The following TUSC3 variants were observed in gnomAD, a reference collection of about 807,000 sequenced individuals.
The protein encoded by TUSC3 is tumor suppressor candidate 3, also known as dolichyl-diphosphooligosaccharide--protein glycosyltransferase subunit TUSC3.
TUSC3 carries 45 observed loss-of-function variants against 44.8 expected under a neutral mutation model. The observed-to-expected ratio is 1.00, with a 90% confidence interval of 0.79 to 1.29. The LOEUF (loss-of-function observed/expected upper bound fraction) is 1.29, where lower values mean the gene tolerates loss of function less well. TUSC3 is among the 50% of genes most tolerant of loss of function. The pLI is 0.00. For synonymous variants in TUSC3, 212 were observed against 152.9 expected (o/e 1.39, Z -2.85); for missense variants, 519 against 437.9 (o/e 1.19, Z -1.65).
intron 1 of TUSC3, among the ~76,000 whole-genome samples, chr8:15,566,517 A>G: frequency 6.6e-6 from 1 of 152,150 alleles, no homozygotes; most frequent in East Asian, 1.9e-4. Flanking sequence ...AACAACTGAT[A>G]AGGAAAAAAG....
rs200873242 is a variant in TUSC3, at chr8:15,750,758, T to G, written c.1028+2293T>G. Among the ~76,000 whole-genome samples the G allele has an allele frequency of 3.9e-5, 6 of 152,158 alleles. No homozygotes were observed. In the East Asian group the frequency reaches 1.2e-3, roughly 29 times the overall value. ...ATGTGGCATTTGAACAGTCTTCTTA[T>G]GTAACCAGCCCCACACTCCTGTCAG... On this transcript the variant is annotated intron_variant, in intron 9 of 10. Transcript: ENST00000503731.
At chr8:15,616,255 T>C (rs1464699823) in intron 1 of TUSC3, among the ~76,000 whole-genome samples, 1 of 152,334 alleles carries the variant, frequency 6.6e-6, no homozygotes, top group East Asian at 1.9e-4. Context: ...CAAAATTTAC[T>C]CCTAGAAATT....
At chr8:15,668,795 A>G (rs1807797795) in intron 5 of TUSC3, among the ~76,000 whole-genome samples, 1 of 151,824 alleles carries the variant, frequency 6.6e-6, no homozygotes, top group Non-Finnish European at 1.5e-5. Flanking sequence ...TCCTGAAGCC[A>G]GAGTTCAAAA....
chr8:15,566,601 A>ATTT (rs201601387), intron 1 of TUSC3, among the ~76,000 whole-genome samples: 2 of 142,310 alleles, frequency 1.4e-5, no homozygotes, highest in African/African-American at 5.1e-5. Context: ...CAGAAGACAC[A>ATTT]TTTTTTTGTT....
Position 15,528,712 on chromosome 8 carries a change from G to A in TUSC3, n.189+45229G>A, listed in dbSNP as rs74587436. 8.0e-3 allele frequency among the ~76,000 whole-genome samples: 1,224 copies of A among 152,242 alleles called. 8 individuals carry two copies. Among genetic ancestry groups the A allele is most frequent in the Non-Finnish European group, 0.012 (791 of 68,010 alleles). ...CCTGCATACTCCTGTGACCCTCTTG[G>A]ATTCTTTCTTTAATTTTTTTTAAAT... is the stretch of plus-strand genomic sequence containing the variant. On this transcript the variant is annotated intron_variant and non_coding_transcript_variant, in intron 2 of 5. Coordinates refer to the TUSC3 transcript ENST00000503191.
chr8:15,511,718 G>T (rs1289228694), intron 2 of TUSC3, among the ~76,000 whole-genome samples: 1 of 151,908 alleles, frequency 6.6e-6, no homozygotes, highest in Admixed American at 6.6e-5. Context: ...AAAAATAAAA[G>T]AATTAGCCGG....
chr8:15,801,797 T>G, the TUSC3 span, among the ~76,000 whole-genome samples: 1 of 152,178 alleles, frequency 6.6e-6, no homozygotes, highest in African/African-American at 2.4e-5. Flanking sequence ...TTCTCTCATT[T>G]GGATGCTCTT....
At chr8:15,590,155 C>G (rs1803765516) in intron 1 of TUSC3, among the ~76,000 whole-genome samples, 1 of 152,136 alleles carries the variant, frequency 6.6e-6, no homozygotes, top group South Asian at 2.1e-4. Flanking sequence ...TTAAAATTAT[C>G]TTAGATAATT....
rs73193308 is a variant in TUSC3, at chr8:15,499,390, T to C, written n.189+15907T>C. Reference sequence around the variant, plus strand: ...TCAAATCAAATCTAGAACTTTTGCATTATCTCAGAAAATTCTATCATATCC... The same window carrying C: ...TCAAATCAAATCTAGAACTTTTGCACTATCTCAGAAAATTCTATCATATCC... On this transcript the variant is annotated intron_variant and non_coding_transcript_variant, in intron 2 of 5. Coordinates refer to the TUSC3 transcript ENST00000503191. Among the ~76,000 whole-genome samples the C allele has an allele frequency of 8.8e-3, 1,336 of 152,302 alleles. 10 individuals carry two copies. Among genetic ancestry groups the C allele is most frequent in the South Asian group, 0.039 (189 of 4,826 alleles).
intron 5 of TUSC3, among the ~76,000 whole-genome samples, chr8:15,672,042 C>T (rs1166761639): frequency 1.3e-5 from 2 of 151,916 alleles, no homozygotes; most frequent in African/African-American, 4.8e-5. Context: ...CATGAGTTAA[C>T]CCTGTTTTAG....
At chr8:15,519,414 G>C (rs979786920) in intron 2 of TUSC3, among the ~76,000 whole-genome samples, 1 of 152,112 alleles carries the variant, frequency 6.6e-6, no homozygotes. Flanking sequence ...ACTTGAAGCT[G>C]TAACAGATTA....
the TUSC3 span, among the ~76,000 whole-genome samples, chr8:15,810,011 G>C: frequency 6.6e-6 from 1 of 152,308 alleles, no homozygotes; most frequent in South Asian, 2.1e-4. Flanking sequence ...CAGAGATTCT[G>C]AATTTCTTAC....
intron 2 of TUSC3, among the ~76,000 whole-genome samples, chr8:15,512,778 A>AT (rs1801156311): frequency 3.9e-5 from 1 of 25,386 alleles, no homozygotes; most frequent in African/African-American, 8.4e-5. Flanking sequence ...GTTTCAGTCA[A>AT]CCAATCAATC....
intron 7 of TUSC3, among the ~76,000 whole-genome samples, chr8:15,735,049 G>C (rs151330197): frequency 9.9e-5 from 15 of 152,242 alleles, no homozygotes; most frequent in African/African-American, 3.6e-4. Flanking sequence ...GTTGAGCCCC[G>C]CATGTCTTCT....
At chr8:15,472,997 T>G (rs1330301798) in intron 1 of TUSC3, among the ~76,000 whole-genome samples, 1 of 152,178 alleles carries the variant, frequency 6.6e-6, no homozygotes, top group Non-Finnish European at 1.5e-5. Context: ...CAGCAAATTA[T>G]AGAAGTAGGA....
rs544604517 is a variant in TUSC3, at chr8:15,455,038, G to C, written n.92-28348G>C. On this transcript the variant is annotated intron_variant and non_coding_transcript_variant, in intron 1 of 5. Transcript: ENST00000503191. Reference sequence around the variant, plus strand: ...GGGGTTGGAGGGTACAAGATGTTTTGAGATCTTTGGGGAAGATGATGACTT... The same window carrying C: ...GGGGTTGGAGGGTACAAGATGTTTTCAGATCTTTGGGGAAGATGATGACTT... 9.9e-4 allele frequency among the ~76,000 whole-genome samples: 151 copies of C among 152,278 alleles called. 1 individual carries two copies. The Middle Eastern group carries it at 0.01, about 10-fold the overall frequency.
chr8:15,645,830 A>G (rs551783602), intron 2 of TUSC3, among the ~76,000 whole-genome samples: 5 of 152,244 alleles, frequency 3.3e-5, no homozygotes, highest in Non-Finnish European at 7.4e-5. Flanking sequence ...CACCATAACT[A>G]AAGTAAAGGA....
chr8:15,457,993 C>G (rs1284146674), intron 1 of TUSC3, among the ~76,000 whole-genome samples: 1 of 151,620 alleles, frequency 6.6e-6, no homozygotes, highest in Non-Finnish European at 1.5e-5. Context: ...ACACATGCAA[C>G]ATAATGTACT....
intron 6 of TUSC3, among the ~76,000 whole-genome samples, chr8:15,691,681 C>T (rs1808908110): frequency 6.6e-6 from 1 of 151,968 alleles, no homozygotes; most frequent in African/African-American, 2.4e-5. Context: ...GAAATATGTT[C>T]CTTCAGTGTC....
Sources: allele counts gnomAD v4.1 joint callset (sites outside exome capture counted in the v4.1 genomes callset), GRCh38; gene constraint gnomAD v4.1.1; transcripts MANE v1.5; gene names NCBI Gene and HGNC (gene_info 2026-07-23, HGNC 2026-07-21).